ZFAT: variants seen among roughly 807,000 people sequenced by gnomAD.
The protein encoded by ZFAT is zinc finger protein ZFAT.
Under a neutral mutation model 117.7 loss-of-function variants are expected in ZFAT, and 64 were observed. That is an observed-to-expected ratio of 0.54 (90% CI 0.44 to 0.67). The LOEUF is 0.67. Ranked by LOEUF, ZFAT falls within the 30% of genes least tolerant of loss-of-function variation. The pLI is 0.00. For missense variants in ZFAT, 1,433 were observed against 1,584.5 expected (o/e 0.90, Z 1.62); for synonymous variants, 679 against 615.0 (o/e 1.10, Z -1.54).
At chr8:134,662,628 T>A (rs1831988806) in intron 1 of ZFAT, among the ~76,000 whole-genome samples, 1 of 152,198 alleles carries the variant, frequency 6.6e-6, no homozygotes, top group Non-Finnish European at 1.5e-5. Flanking sequence ...GCCGGCTGGG[T>A]GACAATGGCC....
At chr8:134,544,343 G>A (rs375760069) in intron 11 of ZFAT, among the ~76,000 whole-genome samples, 1 of 152,140 alleles carries the variant, frequency 6.6e-6, no homozygotes, top group African/African-American at 2.4e-5. Context: ...TAAAGAAAAA[G>A]GGAAGATTGC....
At chr8:134,750,233 T>C in the ZFAT span, among the ~76,000 whole-genome samples, 1 of 152,216 alleles carries the variant, frequency 6.6e-6, no homozygotes, top group Non-Finnish European at 1.5e-5. Context: ...TTAATGCTTT[T>C]TAAATTATAT....
intron 1 of ZFAT, among the ~76,000 whole-genome samples, chr8:134,661,602 A>G (rs1159622088): frequency 1.3e-5 from 2 of 152,182 alleles, no homozygotes; most frequent in East Asian, 3.9e-4. Context: ...GGGAGGGAGA[A>G]GGAAGGAGTA....
intron 1 of ZFAT, among the ~76,000 whole-genome samples, chr8:134,677,939 A>G (rs535458891): frequency 2.6e-5 from 4 of 152,342 alleles, no homozygotes; most frequent in African/African-American, 4.8e-5. Context: ...GTATTGATGG[A>G]ACGTATCTCA....
intron 15 of ZFAT, among the ~76,000 whole-genome samples, chr8:134,493,694 C>T (rs999940162): frequency 2.0e-5 from 3 of 152,224 alleles, no homozygotes; most frequent in Non-Finnish European, 2.9e-5. Flanking sequence ...GCACTCATGA[C>T]TGCTTCTGGA....
chr8:134,671,077 C>T (rs1234672190), intron 1 of ZFAT, among the ~76,000 whole-genome samples: 7 of 152,252 alleles, frequency 4.6e-5, no homozygotes, highest in Admixed American at 2.0e-4. Context: ...TCTGAATAGA[C>T]CAATAACAGG....
intron 2 of ZFAT, among the ~76,000 whole-genome samples, chr8:134,654,253 C>T (rs1831456301): frequency 6.6e-6 from 1 of 152,024 alleles, no homozygotes; most frequent in Non-Finnish European, 1.5e-5. Context: ...CAAGATCACG[C>T]CATTGCACTC....
At chr8:134,597,316 A>C (rs1469874750) in intron 7 of ZFAT, among the ~76,000 whole-genome samples, 1 of 152,152 alleles carries the variant, frequency 6.6e-6, no homozygotes, top group Non-Finnish European at 1.5e-5. Flanking sequence ...AAATCATGCT[A>C]TCTTACTATG....
At chr8:134,547,295 T>C (rs965006674) in intron 11 of ZFAT, among the ~76,000 whole-genome samples, 4 of 152,216 alleles carry the variant, frequency 2.6e-5, no homozygotes, top group Non-Finnish European at 4.4e-5. Context: ...TGCTAACGGA[T>C]CAGATGGATG....
Position 134,480,961 on chromosome 8 carries a change from G to A in ZFAT, c.3493-2240C>T, listed in dbSNP as rs368651736. Among the ~76,000 whole-genome samples the A allele has an allele frequency of 2.0e-4, 31 of 152,266 alleles. No homozygotes were observed. In the East Asian group the frequency reaches 4.2e-3, roughly 21 times the overall value. On this transcript the variant is annotated intron_variant, in intron 15 of 15. Transcript: ENST00000377838. ...AAAAGGTTCCTCTGGGGTGAGCTCC[G>A]GAGGTTCCAAAATTATGGATTGGAA...
At chr8:134,639,522 G>A (rs1411958620) in intron 2 of ZFAT, among the ~76,000 whole-genome samples, 2 of 152,158 alleles carry the variant, frequency 1.3e-5, no homozygotes, top group African/African-American at 4.8e-5. Flanking sequence ...TAAAACAAGG[G>A]ACAGAAGGCC....
chr8:134,513,571 AGTG>A (rs1279739058), intron 13 of ZFAT, among the ~76,000 whole-genome samples: 1 of 152,230 alleles, frequency 6.6e-6, no homozygotes. Context: ...GAGGAGTTAA[AGTG>A]GCATTCACAG....
intron 11 of ZFAT, among the ~76,000 whole-genome samples, chr8:134,537,779 G>A (rs1229643579): frequency 6.6e-6 from 1 of 152,162 alleles, no homozygotes; most frequent in Non-Finnish European, 1.5e-5. Context: ...AATGAGGCAG[G>A]GGAATAAAAA....
chr8:134,539,935 T>C (rs1822128710), intron 11 of ZFAT, among the ~76,000 whole-genome samples: 1 of 152,168 alleles, frequency 6.6e-6, no homozygotes, highest in Admixed American at 6.5e-5. Flanking sequence ...TCCACTGCTT[T>C]TGAATCCATA....
intron 11 of ZFAT, among the ~76,000 whole-genome samples, chr8:134,557,874 C>T (rs1389105899): frequency 6.6e-6 from 1 of 152,200 alleles, no homozygotes; most frequent in Non-Finnish European, 1.5e-5. Flanking sequence ...CACACACAGA[C>T]ACAAAAAAGA....
chr8:134,741,513 C>T, the ZFAT span, among the ~76,000 whole-genome samples: 1 of 152,226 alleles, frequency 6.6e-6, no homozygotes, highest in Non-Finnish European at 1.5e-5. Context: ...GACTGTCCAC[C>T]TCAGTTGGCT....
chr8:134,548,847 A>AG (rs1822905313), intron 11 of ZFAT, among the ~76,000 whole-genome samples: 1 of 152,158 alleles, frequency 6.6e-6, no homozygotes, highest in Non-Finnish European at 1.5e-5. Flanking sequence ...CTTCCTGAGG[A>AG]CAGAAGCCAT....
chr8:134,645,619 C>A (rs1412159457), intron 2 of ZFAT, among the ~76,000 whole-genome samples: 1 of 152,122 alleles, frequency 6.6e-6, no homozygotes, highest in South Asian at 2.1e-4. Flanking sequence ...CCATAACATG[C>A]AAATAACATC....
chr8:134,721,015 C>T, the ZFAT span, among the ~76,000 whole-genome samples: 2 of 152,182 alleles, frequency 1.3e-5, no homozygotes, highest in African/African-American at 2.4e-5. Flanking sequence ...TGAGACCACG[C>T]GGCAAGCTGG....
Sources: allele counts gnomAD v4.1 joint callset (sites outside exome capture counted in the v4.1 genomes callset), GRCh38; gene constraint gnomAD v4.1.1; transcripts MANE v1.5; gene names NCBI Gene and HGNC (gene_info 2026-07-23, HGNC 2026-07-21).